Variants in KIZ observed in about 807,000 individuals in gnomAD.
KIZ encodes centrosomal protein kizuna.
In KIZ, 68 loss-of-function variants were observed where a neutral mutation model predicts 79.6. The observed-to-expected ratio is 0.85, with a 90% CI of 0.70 to 1.05. The LOEUF is 1.05. KIZ is among the 50% of genes least tolerant of loss of function. The probability of loss-of-function intolerance (pLI) is 0.00; values close to 1 mark genes in which losing one functional copy is unlikely to be tolerated. For synonymous variants in KIZ, 280 were observed against 281.8 expected (o/e 0.99, Z 0.06); for missense variants, 797 against 800.4 (o/e 1.00, Z 0.05).
chr20:21,193,854 G>T (rs1423987506), intron 6 of KIZ, among the ~76,000 whole-genome samples: 1 of 113,208 alleles, frequency 8.8e-6, no homozygotes, highest in African/African-American at 3.4e-5. Flanking sequence ...GGGGACTGTT[G>T]TGGGGTGGGG....
At position 21,163,079 on chromosome 20, in the gene KIZ, C is replaced by A; in HGVS notation, c.1272C>A (p.Ser424=). 6.2e-7 allele frequency: 1 copy of A among 1,613,570 alleles called. No individual in the cohort carries two copies. Among genetic ancestry groups the A allele is most frequent in the Non-Finnish European group, 8.5e-7 (1 of 1,179,554 alleles). The change falls in exon 6 of 13, where the codon TCC becomes TCA. Residue 424 remains serine (S), a synonymous_variant. Transcript: ENST00000619189. ...IHAEQERVAL[S]TEKNCILQTL... ...CTGAGCAAGAAAGAGTTGCCCTATC[C>A]ACTGAAAAAAATTGTATTTTGCAAA...
Position 21,132,097 on chromosome 20 carries a change from TGAAAA to T in KIZ, c.94_98del (p.Lys32GlufsTer10). 1 of 1,271,640 alleles carries T rather than the reference TGAAAA, an allele frequency of 7.9e-7. No individual in the cohort carries two copies. The highest frequency in any genetic ancestry group is 1.1e-6 in the Non-Finnish European group (1 of 899,024). 78.8% of individuals were successfully genotyped at this position (1,271,640 alleles called of 1,614,324 possible). ...ACTTATAAAATGTTTTTTATTATAG[TGAAAA>T]GAAGAGATTGGACCTGGAAAAGAAA... On this transcript the variant is annotated frameshift_variant and splice_region_variant, in exon 2 of 13. Coordinates refer to ENST00000619189, the MANE Select transcript of KIZ (RefSeq NM_018474.6). LOFTEE classifies it high-confidence loss of function.
At chr20:21,161,481 G>T (rs2033651972) in intron 4 of KIZ, among the ~76,000 whole-genome samples, 1 of 94,770 alleles carries the variant, frequency 1.1e-5, no homozygotes, top group Non-Finnish European at 2.7e-5. Context: ...ACAGGCACCT[G>T]CCACCGTGCC....
At position 21,167,243 on chromosome 20, in the gene KIZ, C is replaced by T. The variant is rs1465615540; in HGVS notation, c.1352+4084C>T. On this transcript the variant is annotated intron_variant, in intron 6 of 12. Transcript: ENST00000619189. ...CAGCAATAAGAAAATTCATACAACT[C>T]AGTTGAAGAATTGGAAGCAAGGATT... Among the ~76,000 whole-genome samples, 5 of 152,158 alleles carry T rather than the reference C, an allele frequency of 3.3e-5. 1 individual carries two copies. The highest frequency in any genetic ancestry group is 9.7e-5 in the African/African-American group (4 of 41,444).
At chr20:21,175,377 CA>C (rs1175097927) in intron 6 of KIZ, among the ~76,000 whole-genome samples, 1 of 152,224 alleles carries the variant, frequency 6.6e-6, no homozygotes, top group Non-Finnish European at 1.5e-5. Flanking sequence ...ATCGTAGTCA[CA>C]GCCATTGTCA....
At chr20:21,200,508 C>T (rs1371213255) in intron 6 of KIZ, among the ~76,000 whole-genome samples, 1 of 151,646 alleles carries the variant, frequency 6.6e-6, no homozygotes, top group Admixed American at 6.6e-5. Context: ...ACTAGATGGT[C>T]CCGTTTGGGA....
intron 4 of KIZ, among the ~76,000 whole-genome samples, chr20:21,150,111 G>A (rs1484142192): frequency 6.6e-6 from 1 of 152,170 alleles, no homozygotes; most frequent in African/African-American, 2.4e-5. Context: ...GTAGGAAAGG[G>A]AGGTTTTTCC....
intron 6 of KIZ, among the ~76,000 whole-genome samples, chr20:21,204,622 A>T (rs1440499791): frequency 6.6e-6 from 1 of 150,450 alleles, no homozygotes; most frequent in Non-Finnish European, 1.5e-5. Context: ...AGTTCTTTTG[A>T]TACAACTTTG....
At chr20:21,143,830 C>G (rs1372134227) in intron 3 of KIZ, among the ~76,000 whole-genome samples, 1 of 151,952 alleles carries the variant, frequency 6.6e-6, no homozygotes. Context: ...CTCCAGTGTT[C>G]CGGACATGGA....
At chr20:21,219,687 C>T (rs1018542086) in intron 9 of KIZ, among the ~76,000 whole-genome samples, 2 of 152,146 alleles carry the variant, frequency 1.3e-5, no homozygotes, top group Non-Finnish European at 2.9e-5. Flanking sequence ...CCTTCTAATG[C>T]CAAGGGACTG....
intron 9 of KIZ, among the ~76,000 whole-genome samples, chr20:21,222,451 C>T (rs779366913): frequency 6.6e-6 from 1 of 152,246 alleles, no homozygotes; most frequent in Non-Finnish European, 1.5e-5. Context: ...TTCAAAAGAG[C>T]CCTTGTAGGT....
intron 4 of KIZ, among the ~76,000 whole-genome samples, chr20:21,156,507 G>A (rs2033389619): frequency 6.6e-6 from 1 of 152,092 alleles, no homozygotes; most frequent in Non-Finnish European, 1.5e-5. Context: ...CAAACCTAGT[G>A]TGCTGCCAGT....
rs377628014 is a variant in KIZ, at chr20:21,246,529, C to T, written c.1975C>T (p.Arg659Cys). The change falls in exon 13 of 13, where the codon CGC (arginine) becomes TGC (cysteine). Residue 659 changes from arginine to cysteine, a missense_variant. Coordinates refer to ENST00000619189, the MANE Select transcript of KIZ (RefSeq NM_018474.6). Reference protein sequence around the residue: ...DSNSEIEAALRPRNHNTDDSD... With the variant: ...DSNSEIEAALCPRNHNTDDSD... ...TAACTCAGAAATTGAGGCTGCTTTA[C>T]GCCCCAGAAACCATAACACCGATGA... is the stretch of plus-strand genomic sequence containing the variant. 327 of 1,612,008 alleles carry T rather than the reference C, an allele frequency of 2.0e-4. 1 individual carries two copies. Among genetic ancestry groups the T allele is most frequent in the Middle Eastern group, 9.9e-4 (6 of 6,084 alleles).
intron 1 of KIZ, chr20:21,131,895 C>T (rs1253364143): frequency 9.8e-6 from 4 of 406,486 alleles, no homozygotes; most frequent in South Asian, 5.0e-5. Context: ...TACTTTTGTG[C>T]CTTTTGTTTT....
chr20:21,237,563 TAAC>T (rs779130409), intron 11 of KIZ, among the ~76,000 whole-genome samples: 3 of 152,120 alleles, frequency 2.0e-5, no homozygotes, highest in Non-Finnish European at 2.9e-5. Context: ...GAAGAACAGT[TAAC>T]AACCAGACCG....
chr20:21,160,260 C>G (rs966859802), intron 4 of KIZ, among the ~76,000 whole-genome samples: 1 of 152,212 alleles, frequency 6.6e-6, no homozygotes, highest in South Asian at 2.1e-4. Flanking sequence ...TTCTGACCTT[C>G]GCATCCCCCA....
chr20:21,161,772 T>C, intron 4 of KIZ, 99 bp from the exon 5 acceptor site: 1 of 757,912 alleles, frequency 1.3e-6, no homozygotes, highest in Non-Finnish European at 2.1e-6. Flanking sequence ...TCAATAATCA[T>C]GCTTTGTTTG....
intron 3 of KIZ, among the ~76,000 whole-genome samples, chr20:21,143,801 G>A (rs1177096614): frequency 6.6e-6 from 1 of 152,122 alleles, no homozygotes; most frequent in Non-Finnish European, 1.5e-5. Flanking sequence ...TCTGGAGAGC[G>A]CTGTGGAAAA....
At chr20:21,167,805 C>T (rs1031672491) in intron 6 of KIZ, among the ~76,000 whole-genome samples, 2 of 152,200 alleles carry the variant, frequency 1.3e-5, no homozygotes, top group Non-Finnish European at 2.9e-5. Context: ...AGGAGATTTG[C>T]CTGCCTTCAA....
Sources: allele counts gnomAD v4.1 joint callset (sites outside exome capture counted in the v4.1 genomes callset), GRCh38; gene constraint gnomAD v4.1.1; transcripts MANE v1.5; gene names NCBI Gene and HGNC (gene_info 2026-07-23, HGNC 2026-07-21).